The following SMAD1 variants were observed in gnomAD, a reference collection of about 807,000 sequenced individuals.
The protein encoded by SMAD1 is MAD, mothers against decapentaplegic homolog 1.
In SMAD1, 6 loss-of-function variants were observed where a neutral mutation model predicts 41.6. The ratio of observed to expected loss-of-function variants is 0.14; its 90% CI spans 0.08 to 0.28. SMAD1 has a LOEUF of 0.28. SMAD1 is among the 10% of genes least tolerant of loss of function. The pLI is 1.00. For synonymous variants in SMAD1, 206 were observed against 203.2 expected (o/e 1.01, Z -0.12); for missense variants, 379 against 582.6 (o/e 0.65, Z 3.60).
In SMAD1 at chr4:145,526,678, A is replaced by AT. The variant is rs1731033778; in HGVS notation, c.400+11666dup. Among the ~76,000 whole-genome samples the AT allele has an allele frequency of 2.6e-5, 4 of 152,066 alleles. No individual in the cohort carries two copies. The South Asian group carries it at 8.3e-4, about 32-fold the overall frequency. The stretch of plus-strand genomic sequence containing the variant: ...AAACAGGAATCCATGCTGAAGATGA[A>AT]TGGGGGAGAAGGAAAAGGCTCTTGC... On this transcript the variant is annotated intron_variant, in intron 2 of 6. Coordinates refer to ENST00000302085, the MANE Select transcript of SMAD1 (RefSeq NM_005900.3).
intron 2 of SMAD1, among the ~76,000 whole-genome samples, chr4:145,537,133 T>C (rs1453996326): frequency 6.6e-6 from 1 of 152,142 alleles, no homozygotes; most frequent in Non-Finnish European, 1.5e-5. Flanking sequence ...CTACCTTAGG[T>C]CCTGTATCAG....
At chr4:145,487,924 G>C (rs1441357628) in intron 1 of SMAD1, among the ~76,000 whole-genome samples, 2 of 152,152 alleles carry the variant, frequency 1.3e-5, no homozygotes, top group African/African-American at 4.8e-5. Flanking sequence ...GACTACATCA[G>C]AGTTTTAGTA....
intron 2 of SMAD1, among the ~76,000 whole-genome samples, chr4:145,529,780 G>T (rs1050636933): frequency 6.6e-6 from 1 of 152,186 alleles, no homozygotes; most frequent in Non-Finnish European, 1.5e-5. Flanking sequence ...CAGCTACTTA[G>T]AGACATAGAT....
intron 2 of SMAD1, among the ~76,000 whole-genome samples, chr4:145,525,148 A>G (rs1730961166): frequency 6.6e-6 from 1 of 152,212 alleles, no homozygotes. Flanking sequence ...AGGCTGATTA[A>G]TTTGGTTTTA....
intron 1 of SMAD1, among the ~76,000 whole-genome samples, chr4:145,488,593 A>C (rs1326242698): frequency 6.6e-6 from 1 of 151,930 alleles, no homozygotes; most frequent in East Asian, 1.9e-4. Context: ...TCAAGAAAAA[A>C]GGTGGGGGGG....
At chr4:145,498,282 A>G (rs1269125216) in intron 1 of SMAD1, among the ~76,000 whole-genome samples, 1 of 152,200 alleles carries the variant, frequency 6.6e-6, no homozygotes, top group East Asian at 1.9e-4. Context: ...ATGTGCCTGA[A>G]TCCTTAATAA....
intron 1 of SMAD1, among the ~76,000 whole-genome samples, chr4:145,486,276 T>C (rs989801253): frequency 2.0e-5 from 3 of 152,232 alleles, no homozygotes; most frequent in African/African-American, 7.2e-5. Flanking sequence ...AAAGCCAAAT[T>C]AGTTTTATCT....
chr4:145,505,931 A>G (rs1276533414), intron 1 of SMAD1, among the ~76,000 whole-genome samples: 1 of 151,164 alleles, frequency 6.6e-6, no homozygotes, highest in African/African-American at 2.4e-5. Flanking sequence ...TGCAACCTCC[A>G]CCTCCCTGTT....
chr4:145,499,303 T>C (rs1246754595), intron 1 of SMAD1, among the ~76,000 whole-genome samples: 1 of 152,180 alleles, frequency 6.6e-6, no homozygotes, highest in Non-Finnish European at 1.5e-5. Context: ...GTCAAAACTT[T>C]TTTGTGCACA....
chr4:145,488,476 T>TTGTGTG (rs60369536), intron 1 of SMAD1, among the ~76,000 whole-genome samples: 655 of 148,720 alleles, frequency 4.4e-3, no homozygotes, highest in Non-Finnish European at 6.9e-3. Flanking sequence ...CCCTGTCTTT[T>TTGTGTG]TGTGTGTGTG....
intron 1 of SMAD1, among the ~76,000 whole-genome samples, chr4:145,483,573 T>C (rs146303401): frequency 3.9e-4 from 60 of 152,378 alleles, no homozygotes; most frequent in African/African-American, 1.4e-3. Context: ...CTGATGTAGG[T>C]GCCAGATCTA....
At position 145,522,157 on chromosome 4, in the gene SMAD1, G is replaced by A. The variant is rs1027497192; in HGVS notation, c.400+7144G>A. ...TAAAAATACAAAAAAAAAATTAGCC[G>A]GGCGAGGTGGCGGGCGCCTGTAGTC... is the stretch of plus-strand genomic sequence containing the variant. On this transcript the variant is annotated intron_variant, in intron 2 of 6. Coordinates refer to ENST00000302085, the MANE Select transcript of SMAD1 (RefSeq NM_005900.3). Among the ~76,000 whole-genome samples the A allele has an allele frequency of 4.0e-5, 6 of 151,750 alleles. No individual in the cohort carries two copies. The South Asian group carries it at 6.3e-4, about 16-fold the overall frequency.
chr4:145,528,531 C>T (rs879699374), intron 2 of SMAD1, among the ~76,000 whole-genome samples: 9 of 152,184 alleles, frequency 5.9e-5, no homozygotes, highest in Non-Finnish European at 1.0e-4. Flanking sequence ...CGTGAGCTAC[C>T]GCGCCTGACC....
intron 1 of SMAD1, among the ~76,000 whole-genome samples, chr4:145,505,609 ACT>A (rs1164218324): frequency 4.1e-4 from 57 of 138,126 alleles, no homozygotes; most frequent in Admixed American, 7.0e-4. Context: ...ACAGAGCAAG[ACT>A]CTGTCAAAAA....
At chr4:145,544,858 A>G (rs1351896535) in intron 4 of SMAD1, 1 of 152,228 alleles carries the variant, frequency 6.6e-6, no homozygotes, top group African/African-American at 2.4e-5. Flanking sequence ...TAGGCACAGT[A>G]CCACACTATT....
rs1729757523 is a variant in SMAD1, at chr4:145,506,043, C to A, written c.-176-8395C>A. Among the ~76,000 whole-genome samples the A allele has an allele frequency of 2.6e-5, 4 of 151,962 alleles. No individual in the cohort carries two copies. In the South Asian group the frequency reaches 8.3e-4, roughly 32 times the overall value. On this transcript the variant is annotated intron_variant, in intron 1 of 6. Transcript: ENST00000302085. ...ATTTTTAGTAGATACAGGGTTTCAC[C>A]ATGTTGGCCAGGCTGATCTTGAACT... is the stretch of plus-strand genomic sequence containing the variant.
intron 1 of SMAD1, among the ~76,000 whole-genome samples, chr4:145,501,212 G>A (rs1050838787): frequency 1.4e-4 from 21 of 152,258 alleles, no homozygotes; most frequent in Non-Finnish European, 2.6e-4. Context: ...AGATCAACAA[G>A]TTTTATTTCT....
chr4:145,490,716 T>TA (rs1274681973), intron 1 of SMAD1, among the ~76,000 whole-genome samples: 2 of 152,198 alleles, frequency 1.3e-5, no homozygotes, highest in Non-Finnish European at 2.9e-5. Context: ...AGTAGTGAAA[T>TA]ATCAAGTTTG....
At chr4:145,538,411 T>G (rs765759877) in intron 2 of SMAD1, among the ~76,000 whole-genome samples, 12 of 152,144 alleles carry the variant, frequency 7.9e-5, no homozygotes, top group Non-Finnish European at 1.5e-4. Context: ...TCCTGAAGGA[T>G]CAAATAGGGA....
Sources: allele counts gnomAD v4.1 joint callset (sites outside exome capture counted in the v4.1 genomes callset), GRCh38; gene constraint gnomAD v4.1.1; transcripts MANE v1.5; gene names NCBI Gene and HGNC (gene_info 2026-07-23, HGNC 2026-07-21).